The following PRDM16 variants were observed in gnomAD, a reference collection of about 807,000 sequenced individuals.
PRDM16 encodes the protein histone-lysine N-methyltransferase PRDM16.
A neutral mutation model predicts 110.6 loss-of-function variants in PRDM16; 23 were observed. The ratio of observed to expected loss-of-function variants is 0.21; its 90% CI spans 0.15 to 0.29. PRDM16 has a LOEUF of 0.29. PRDM16 is among the 10% of genes least tolerant of loss of function. The probability of loss-of-function intolerance (pLI) is 1.00; values close to 1 mark genes in which losing one functional copy is unlikely to be tolerated. For missense variants in PRDM16, 1,615 were observed against 1,794.3 expected (o/e 0.90, Z 1.81); for synonymous variants, 799 against 781.8 (o/e 1.02, Z -0.37).
chr1:3,284,818 G>A (rs1640810105), intron 3 of PRDM16, among the ~76,000 whole-genome samples: 1 of 152,202 alleles, frequency 6.6e-6, no homozygotes, highest in Non-Finnish European at 1.5e-5. Context: ...GCGTGGTCCC[G>A]CCCAGGCCAG....
At chr1:3,314,070 C>G (rs933454371) in intron 3 of PRDM16, among the ~76,000 whole-genome samples, 1 of 89,656 alleles carries the variant, frequency 1.1e-5, no homozygotes, top group Non-Finnish European at 2.0e-5. Context: ...TCCTTCCCCA[C>G]CGGGGGGGGG....
intron 1 of PRDM16, among the ~76,000 whole-genome samples, chr1:3,085,411 A>T (rs1045373421): frequency 2.0e-5 from 3 of 152,208 alleles, no homozygotes; most frequent in Admixed American, 2.0e-4. Context: ...AACTGCTGGG[A>T]CCTGACCCTG....
intron 3 of PRDM16, among the ~76,000 whole-genome samples, chr1:3,300,408 A>C (rs371476309): frequency 0.012 from 688 of 59,368 alleles, no homozygotes; most frequent in Middle Eastern, 0.02. Context: ...GTGATGTTTC[A>C]GATCCCAGTC....
chr1:3,325,898 G>GCC (rs1224552466), intron 3 of PRDM16, among the ~76,000 whole-genome samples: 4 of 145,494 alleles, frequency 2.7e-5, no homozygotes, highest in Admixed American at 6.8e-5. Context: ...GCCATCCTTG[G>GCC]CCCTCTTGGC....
intron 3 of PRDM16, among the ~76,000 whole-genome samples, chr1:3,322,273 G>A (rs74419001): frequency 0.015 from 2,234 of 152,226 alleles, 59 homozygotes; most frequent in African/African-American, 0.051. Flanking sequence ...CGAGTGTATA[G>A]CAGTGGCCTG....
chr1:3,263,930 C>T (rs1557566067), intron 3 of PRDM16, among the ~76,000 whole-genome samples: 1 of 152,182 alleles, frequency 6.6e-6, no homozygotes, highest in Admixed American at 6.5e-5. Context: ...GCCTCCTGTA[C>T]GGGCACTCGC....
At position 3,100,878 on chromosome 1, in the gene PRDM16, C is replaced by T. The variant is rs552096084; in HGVS notation, c.37+31582C>T. ...AGGGAGGTGCCACAAGTACCCACGA[C>T]GGCTGTGCCGAAGCCCCCGGGGAGG... On this transcript the variant is annotated intron_variant, in intron 1 of 16. Coordinates refer to ENST00000270722, the MANE Select transcript of PRDM16 (RefSeq NM_022114.4). Among the ~76,000 whole-genome samples, 8 of 152,148 alleles carry T rather than the reference C, an allele frequency of 5.3e-5. No homozygotes were observed. In the South Asian group the frequency reaches 1.0e-3, roughly 20 times the overall value.
intron 11 of PRDM16, 130 bp from the exon 12 acceptor site, chr1:3,418,537 G>A (rs767869618): frequency 3.9e-5 from 27 of 684,484 alleles, no homozygotes; most frequent in Non-Finnish European, 6.9e-5. Context: ...ACTGAAACTG[G>A]GATGCTGGGA....
Position 3,405,477 on chromosome 1 carries a change from C to A in PRDM16, c.1033-18C>A, listed in dbSNP as rs371240361. ...GGTGTCCAGGCAGGGCACGCGCCAA[C>A]GGCATCCGTCTCCCCAGGTGTTCAC... On this transcript the variant is annotated intron_variant, in intron 7 of 16. Transcript: ENST00000270722. The A allele has an allele frequency of 1.9e-6, 3 of 1,548,774 alleles. No individual in the cohort carries two copies. Among genetic ancestry groups the A allele is most frequent in the Non-Finnish European group, 2.6e-6 (3 of 1,144,036 alleles).
intron 1 of PRDM16, among the ~76,000 whole-genome samples, chr1:3,106,144 G>A (rs1642646427): frequency 6.6e-6 from 1 of 152,204 alleles, no homozygotes; most frequent in Non-Finnish European, 1.5e-5. Context: ...ATGGAGTCCT[G>A]GCAGGGTGGG....
chr1:3,188,500 G>A (rs1644297975), intron 2 of PRDM16, among the ~76,000 whole-genome samples: 1 of 152,200 alleles, frequency 6.6e-6, no homozygotes, highest in Admixed American at 6.5e-5. Context: ...TGTACGTGAG[G>A]GAACGCGCTC....
intron 1 of PRDM16, among the ~76,000 whole-genome samples, chr1:3,162,659 A>C (rs1221311668): frequency 6.6e-6 from 1 of 152,266 alleles, no homozygotes; most frequent in Non-Finnish European, 1.5e-5. Flanking sequence ...GATGGAGGCG[A>C]ATCAGGGAGC....
intron 2 of PRDM16, among the ~76,000 whole-genome samples, chr1:3,187,343 C>T (rs1461711409): frequency 6.6e-6 from 1 of 152,222 alleles, no homozygotes; most frequent in Non-Finnish European, 1.5e-5. Context: ...GTCGGATTCC[C>T]CCTGTGCCTC....
At chr1:3,181,022 G>T (rs376764603) in intron 1 of PRDM16, among the ~76,000 whole-genome samples, 3 of 121,718 alleles carry the variant, frequency 2.5e-5, no homozygotes, top group Admixed American at 1.8e-4. Flanking sequence ...TTACAAATGC[G>T]GTCTTACACG....
intron 1 of PRDM16, among the ~76,000 whole-genome samples, chr1:3,097,755 A>G (rs768146199): frequency 3.9e-5 from 6 of 152,132 alleles, no homozygotes; most frequent in Non-Finnish European, 5.9e-5. Flanking sequence ...GTTCCTCAGG[A>G]AGCCAGGTGT....
chr1:3,422,041 CAGAT>C (rs1227481797), intron 12 of PRDM16, among the ~76,000 whole-genome samples: 1 of 146,636 alleles, frequency 6.8e-6, no homozygotes, highest in Non-Finnish European at 1.5e-5. Context: ...GGTAGATGGA[CAGAT>C]GGATGGACAG....
At chr1:3,411,133 G>T (rs571836895) in intron 8 of PRDM16, among the ~76,000 whole-genome samples, 1 of 152,234 alleles carries the variant, frequency 6.6e-6, no homozygotes, top group South Asian at 2.1e-4. Context: ...ACACACGCCT[G>T]CCCAGACACG....
intron 3 of PRDM16, among the ~76,000 whole-genome samples, chr1:3,340,433 A>G (rs1018038305): frequency 5.9e-5 from 9 of 151,830 alleles, no homozygotes; most frequent in Admixed American, 1.3e-4. Context: ...AATACCAAAC[A>G]CCCGCTCCCG....
In PRDM16 at chr1:3,412,625, C is replaced by A. The variant is rs776055411; in HGVS notation, c.2428C>A (p.Arg810=). Residue 810 remains arginine, a synonymous_variant, in exon 9 of 17, where the codon CGG becomes AGG. Coordinates refer to ENST00000270722, the MANE Select transcript of PRDM16 (RefSeq NM_022114.4). ...GCCGCTGGACCTGAGCATCGGCAGC[C>A]GGGCCCGTGCCAGCCAAAACGGCGG... The part of the protein sequence containing the change: ...EQPLDLSIGS[R]ARASQNGGGR... 2 of 1,582,674 alleles carry A rather than the reference C, an allele frequency of 1.3e-6. No homozygotes were observed. Among genetic ancestry groups the A allele is most frequent in the Non-Finnish European group, 1.7e-6 (2 of 1,163,274 alleles).
Sources: allele counts gnomAD v4.1 joint callset (sites outside exome capture counted in the v4.1 genomes callset), GRCh38; gene constraint gnomAD v4.1.1; transcripts MANE v1.5; gene names NCBI Gene and HGNC (gene_info 2026-07-23, HGNC 2026-07-21).